The following IREB2 variants were observed in gnomAD, a reference collection of about 807,000 sequenced individuals.
IREB2 encodes the protein iron-responsive element-binding protein 2.
In IREB2, 39 loss-of-function variants were observed where a neutral mutation model predicts 118.8. The ratio of observed to expected loss-of-function variants is 0.33; its 90% confidence interval spans 0.25 to 0.43. The LOEUF is 0.43. Ranked by LOEUF, IREB2 falls within the 20% of genes least tolerant of loss-of-function variation. The pLI, the probability that IREB2 is intolerant of heterozygous loss-of-function variation, is 1.00. For synonymous variants in IREB2, 372 were observed against 392.2 expected, an observed-to-expected ratio of 0.95 and a Z score of 0.61; for missense variants, 900 against 1,147.3, an observed-to-expected ratio of 0.78 and a Z score of 3.11.
chr15:78,458,179 C>A (rs1014938664), intron 2 of IREB2, among the ~76,000 whole-genome samples: 1 of 152,192 alleles, frequency 6.6e-6, no homozygotes, highest in East Asian at 1.9e-4. Context: ...AACTGTAATC[C>A]TTTTTCTACT....
At position 78,498,514 on chromosome 15, in the gene IREB2, A is replaced by G. The variant is rs2051881421; in HGVS notation, c.*371A>G. The G allele has an allele frequency of 6.4e-6, 1 of 157,324 alleles. No individual in the cohort carries two copies. The highest frequency in any genetic ancestry group is 2.4e-5 in the African/African-American group (1 of 41,522). The allele number at this position is 157,324 out of a possible 1,614,324, so 9.7% of individuals were successfully genotyped here. On this transcript the variant is annotated 3_prime_UTR_variant, in exon 22 of 22. Transcript: ENST00000258886. ...TTTTGCACCAATAAAACTGTGTACT[A>G]CTGTTTGTTGGTTTAAGAGTAGCAG...
intron 9 of IREB2, 45 bp from the exon 10 acceptor site, chr15:78,478,252 T>G: frequency 8.0e-7 from 1 of 1,257,246 alleles, no homozygotes. Flanking sequence ...AATAACTAAA[T>G]AAATTTCTCA....
Position 78,470,726 on chromosome 15 carries a change from G to A in IREB2, c.699+125G>A, listed in dbSNP as rs566495421. On this transcript the variant is annotated intron_variant, in intron 6 of 21. Coordinates refer to ENST00000258886, the MANE Select transcript of IREB2 (RefSeq NM_004136.4). ...TTTTTTTTTTTTAAGACAGAATCTCGCCCTGTTACCCAGGCTGGAGTCCAG... is the reference window on the plus strand; with the variant it reads ...TTTTTTTTTTTTAAGACAGAATCTCACCCTGTTACCCAGGCTGGAGTCCAG... The A allele has an allele frequency of 4.6e-3, 2,060 of 452,174 alleles. 10 individuals are homozygous for A. The highest frequency in any genetic ancestry group is 5.2e-3 in the Non-Finnish European group (1,438 of 277,136). 28.0% of individuals were successfully genotyped at this position (452,174 alleles called of 1,614,324 possible). A position where few individuals can be genotyped will look rare whatever the true frequency, so the allele number is the denominator to read the frequency against.
chr15:78,480,646 A>C (rs2051551506), intron 10 of IREB2, among the ~76,000 whole-genome samples: 1 of 145,370 alleles, frequency 6.9e-6, no homozygotes, highest in Non-Finnish European at 1.5e-5. Context: ...CTGAGATGAC[A>C]CCACTACATT....
In IREB2 at chr15:78,480,544, C is replaced by A. The variant is rs542073926; in HGVS notation, c.1296+2147C>A. On this transcript the variant is annotated intron_variant, in intron 10 of 21. Transcript: ENST00000258886. ...CTAAAAATACAAAAAAATAAATTAGCCAGGTGTGGTGGTGGGGGCCTGTAA... is the reference window on the plus strand; with the variant it reads ...CTAAAAATACAAAAAAATAAATTAGACAGGTGTGGTGGTGGGGGCCTGTAA... Among the ~76,000 whole-genome samples the A allele has an allele frequency of 7.2e-5, 11 of 151,874 alleles. No individual in the cohort carries two copies. In the East Asian group the frequency reaches 1.7e-3, roughly 24 times the overall value.
chr15:78,443,368 G>A (rs935395126), intron 2 of IREB2, among the ~76,000 whole-genome samples: 1 of 152,212 alleles, frequency 6.6e-6, no homozygotes, highest in African/African-American at 2.4e-5. Context: ...GGGAGAAGTG[G>A]TTGGGAGTGG....
chr15:78,441,918 T>G (rs1281526560), intron 2 of IREB2, among the ~76,000 whole-genome samples: 1 of 151,768 alleles, frequency 6.6e-6, no homozygotes, highest in Admixed American at 6.6e-5. Context: ...ATTTTACTTA[T>G]TTTTTTGAGA....
At chr15:78,438,096 T>C (rs909263738), upstream of IREB2, 1 of 503,264 alleles carries the variant, frequency 2.0e-6, no homozygotes. Context: ...AATCGCTTTC[T>C]GGTTAGCTCC....
intron 5 of IREB2, among the ~76,000 whole-genome samples, chr15:78,468,395 T>TGTC (rs1207283198): frequency 6.6e-6 from 1 of 151,930 alleles, no homozygotes; most frequent in Non-Finnish European, 1.5e-5. Context: ...AGGCACACAC[T>TGTC]GTCAGGCCTG....
At chr15:78,457,408 C>T (rs1307509377) in intron 2 of IREB2, among the ~76,000 whole-genome samples, 1 of 152,124 alleles carries the variant, frequency 6.6e-6, no homozygotes, top group African/African-American at 2.4e-5. Context: ...TTTTATAGAG[C>T]ATGTCCTCTA....
In IREB2 at chr15:78,499,237, C is replaced by CT. The variant is rs1374494491; in HGVS notation, c.*1096dup. The CT allele has an allele frequency of 1.3e-5, 2 of 152,146 alleles. No homozygotes were observed. The highest frequency in any genetic ancestry group is 2.9e-5 in the Non-Finnish European group (2 of 68,028). The allele number at this position is 152,146 out of a possible 1,614,324, so 9.4% of individuals were successfully genotyped here. Reference sequence around the variant, plus strand: ...CAAAGCTGACCGTAAGGATAAAACACTTAAGTTGTTGCTGAGTACTATATA... The same window carrying CT: ...CAAAGCTGACCGTAAGGATAAAACACTTTAAGTTGTTGCTGAGTACTATATA... On this transcript the variant is annotated 3_prime_UTR_variant, in exon 22 of 22. Coordinates refer to ENST00000258886, the MANE Select transcript of IREB2 (RefSeq NM_004136.4).
At chr15:78,497,366 TG>T (rs755226013) in intron 21 of IREB2, 55 bp downstream of exon 21, 91 of 1,262,166 alleles carry the variant, frequency 7.2e-5, no homozygotes, top group Non-Finnish European at 1.0e-4. Context: ...TATGAATTAT[TG>T]AATAAGAATC....
rs1182743060 is a variant in IREB2, at chr15:78,494,242, C to T, written c.2573C>T (p.Ala858Val). ...KYGSGNSRDW[A>V]AKGPYLLGVK... The stretch of plus-strand genomic sequence containing the variant: ...GGTTCAGGAAACTCCAGAGACTGGG[C>T]TGCCAAAGGACCGTATTTACTGGTA... Residue 858 changes from alanine to valine, a missense_variant, in exon 20 of 22, where the codon GCT becomes GTT. Transcript: ENST00000258886. The T allele has an allele frequency of 6.2e-7, 1 of 1,613,702 alleles. No individual in the cohort carries two copies. The highest frequency in any genetic ancestry group is 1.3e-5 in the African/African-American group (1 of 74,916).
chr15:78,490,587 A>C lies in IREB2; in HGVS notation c.2182-32A>C, dbSNP rs769486873. ...TGTTATAAACTAAGAAGTCTTGTAAAGAGTTAAATGCCTTGAACTTTTACC... is the reference window on the plus strand; with the variant it reads ...TGTTATAAACTAAGAAGTCTTGTAACGAGTTAAATGCCTTGAACTTTTACC... On this transcript the variant is annotated intron_variant, in intron 17 of 21. Transcript: ENST00000258886. The C allele has an allele frequency of 1.9e-6, 3 of 1,611,324 alleles. No individual in the cohort carries two copies. The South Asian group carries it at 3.3e-5, about 18-fold the overall frequency.
chr15:78,456,965 ACTT>A (rs1223802980), intron 2 of IREB2, among the ~76,000 whole-genome samples: 6 of 152,230 alleles, frequency 3.9e-5, no homozygotes, highest in East Asian at 1.9e-4. Context: ...GTAATTTGGC[ACTT>A]CTTCTGTATA....
At chr15:78,478,244 T>C in intron 9 of IREB2, 53 bp from the exon 10 acceptor site, 2 of 1,196,352 alleles carry the variant, frequency 1.7e-6, no homozygotes, top group Non-Finnish European at 1.2e-6. Flanking sequence ...AAAAAAATAA[T>C]AACTAAATAA....
intron 5 of IREB2, among the ~76,000 whole-genome samples, chr15:78,468,621 G>C (rs1337152767): frequency 6.6e-6 from 1 of 151,836 alleles, no homozygotes; most frequent in Non-Finnish European, 1.5e-5. Context: ...ATTTAGAGTA[G>C]CTAAGAGTAA....
chr15:78,475,484 A>G (rs1202925798), intron 8 of IREB2: 1 of 152,204 alleles, frequency 6.6e-6, no homozygotes, highest in Non-Finnish European at 1.5e-5. Context: ...TTAAATATAC[A>G]GTTTCATCAG....
At chr15:78,469,553 A>C (rs1407817868) in intron 5 of IREB2, among the ~76,000 whole-genome samples, 3 of 151,970 alleles carry the variant, frequency 2.0e-5, no homozygotes, top group Non-Finnish European at 4.4e-5. Flanking sequence ...GAGAAACCCC[A>C]TCTCTACTAA....
Sources: gnomAD v4.1 joint callset for allele counts (sites outside exome capture counted in the v4.1 genomes callset) on GRCh38, gnomAD v4.1.1 for gene constraint, MANE v1.5 for transcripts, NCBI Gene and HGNC (gene_info 2026-07-23, HGNC 2026-07-21) for gene names.